The following SREK1IP1 variants were observed in gnomAD, a reference collection of about 807,000 sequenced individuals.
SREK1IP1 encodes SREK1 interacting protein 1.
Under a neutral mutation model 22.8 loss-of-function variants are expected in SREK1IP1, and 12 were observed. The observed-to-expected ratio is 0.53, with a 90% CI of 0.34 to 0.85. The LOEUF (loss-of-function observed/expected upper bound fraction) is 0.85, where lower values mean the gene tolerates loss of function less well. Ranked by LOEUF, SREK1IP1 falls within the 40% of genes least tolerant of loss-of-function variation. The pLI, the probability that SREK1IP1 is intolerant of heterozygous loss-of-function variation, is 0.02. For missense variants in SREK1IP1, 147 were observed against 171.8 expected, an observed-to-expected ratio of 0.86 and a Z score of 0.81; for synonymous variants, 53 against 52.7, an observed-to-expected ratio of 1.01 and a Z score of -0.02.
chr5:64,765,049 C>T (rs1743011810), intron 1 of SREK1IP1: 1 of 152,172 alleles, frequency 6.6e-6, no homozygotes, highest in South Asian at 2.1e-4. Context: ...ACATACGTTG[C>T]CACTTGTGCC....
intron 3 of SREK1IP1, among the ~76,000 whole-genome samples, chr5:64,729,369 C>T (rs1363848288): frequency 6.6e-6 from 1 of 152,124 alleles, no homozygotes; most frequent in Non-Finnish European, 1.5e-5. Context: ...AGTGCCAAAG[C>T]TCCAAGGCAA....
Position 64,724,594 on chromosome 5 carries a change from T to C in SREK1IP1, c.279-21A>G, listed in dbSNP as rs183401183. 7.8e-4 allele frequency: 1,143 copies of C among 1,474,634 alleles called. 8 individuals are homozygous for C. The African/African-American group carries it at 0.014, about 18-fold the overall frequency. 91.3% of individuals were successfully genotyped at this position (1,474,634 alleles called of 1,614,324 possible). On this transcript the variant is annotated intron_variant, in intron 4 of 4. Coordinates refer to ENST00000513458, the MANE Select transcript of SREK1IP1 (RefSeq NM_173829.4). ...AAGACCTATGGATAATAATACATAC[T>C]GACTGAGAATTGCATTTATGACTGA...
chr5:64,763,239 T>C (rs1211159235), intron 1 of SREK1IP1, among the ~76,000 whole-genome samples: 4 of 151,752 alleles, frequency 2.6e-5, no homozygotes, highest in Admixed American at 2.6e-4. Flanking sequence ...AGAAAAAAGG[T>C]GTAAGAAGAG....
chr5:64,768,638 TC>T lies in SREK1IP1; in HGVS notation c.-122del, dbSNP rs1360465579. ...TCCTTCCCCCAGCGCAGCAGCACCCTCGCTACGGTCGGGAAGGGCCTGTACG... is the reference window on the plus strand; with the variant it reads ...TCCTTCCCCCAGCGCAGCAGCACCCTGCTACGGTCGGGAAGGGCCTGTACG... On this transcript the variant is annotated 5_prime_UTR_variant, in exon 1 of 5. Transcript: ENST00000513458. 2.1e-6 allele frequency: 3 copies of T among 1,438,996 alleles called. No individual in the cohort carries two copies. The highest frequency in any genetic ancestry group is 2.9e-6 in the Non-Finnish European group (3 of 1,033,422). The allele number at this position is 1,438,996 out of a possible 1,614,324, so 89.1% of individuals were successfully genotyped here.
rs62372310 is a variant in SREK1IP1 at position 64,755,206 on chromosome 5, C to G, written c.14-844G>C. On this transcript the variant is annotated intron_variant, in intron 1 of 4. Coordinates refer to ENST00000513458, the MANE Select transcript of SREK1IP1 (RefSeq NM_173829.4). ...ATCATTCGACCCAGCAATTCCATTA[C>G]TGGGTATATATCCAAAAAAAAAAAA... Among the ~76,000 whole-genome samples the G allele has an allele frequency of 4.1e-5, 6 of 144,778 alleles. 1 individual carries two copies. The highest frequency in any genetic ancestry group is 3.6e-3 in the Middle Eastern group (1 of 280). The allele number at this position is 144,778 out of a possible 152,430, so 95.0% of individuals were successfully genotyped here.
intron 1 of SREK1IP1, among the ~76,000 whole-genome samples, chr5:64,756,934 A>G (rs1044372429): frequency 1.1e-4 from 17 of 152,240 alleles, no homozygotes; most frequent in Non-Finnish European, 2.9e-5. Flanking sequence ...TAAAGGGCAT[A>G]TAATTCCCAA....
intron 1 of SREK1IP1, among the ~76,000 whole-genome samples, chr5:64,765,482 A>C: frequency 6.6e-6 from 1 of 152,198 alleles, no homozygotes; most frequent in East Asian, 1.9e-4. Flanking sequence ...GATAACCTTG[A>C]AAAGTTTAGA....
intron 2 of SREK1IP1, among the ~76,000 whole-genome samples, chr5:64,741,531 A>T (rs1479429158): frequency 6.6e-6 from 1 of 152,164 alleles, no homozygotes; most frequent in East Asian, 1.9e-4. Flanking sequence ...AACTAAGTAA[A>T]TAAAAAATAC....
chr5:64,751,493 GA>G (rs1463405199), intron 2 of SREK1IP1, among the ~76,000 whole-genome samples: 10 of 152,076 alleles, frequency 6.6e-5, no homozygotes, highest in Non-Finnish European at 1.5e-4. Flanking sequence ...ACTGTAAAAG[GA>G]AAAAAATAAT....
intron 1 of SREK1IP1, among the ~76,000 whole-genome samples, chr5:64,755,816 C>G (rs1742828649): frequency 6.6e-6 from 1 of 151,698 alleles, no homozygotes; most frequent in Admixed American, 6.6e-5. Context: ...GCCTGTCCCT[C>G]AAATGTAAAA....
intron 3 of SREK1IP1, among the ~76,000 whole-genome samples, chr5:64,735,497 C>T (rs1742447393): frequency 6.6e-6 from 1 of 152,082 alleles, no homozygotes; most frequent in Admixed American, 6.5e-5. Context: ...AGCCATTGGG[C>T]ATGAAGTTTG....
intron 1 of SREK1IP1, among the ~76,000 whole-genome samples, chr5:64,767,716 C>T (rs576961310): frequency 1.3e-5 from 2 of 152,066 alleles, no homozygotes; most frequent in African/African-American, 4.8e-5. Context: ...TTTTCTATTA[C>T]TAAAGTGCGC....
chr5:64,747,548 G>A (rs948681113), intron 2 of SREK1IP1, among the ~76,000 whole-genome samples: 1 of 152,104 alleles, frequency 6.6e-6, no homozygotes, highest in Non-Finnish European at 1.5e-5. Flanking sequence ...GGGAAAATAC[G>A]AGTGTTGGCA....
At chr5:64,757,458 T>TA (rs1031316727) in intron 1 of SREK1IP1, among the ~76,000 whole-genome samples, 3 of 152,232 alleles carry the variant, frequency 2.0e-5, no homozygotes, top group African/African-American at 7.2e-5. Context: ...ATGCAAGTAT[T>TA]GTTCTAATGT....
chr5:64,744,687 T>C (rs997695552), intron 2 of SREK1IP1, among the ~76,000 whole-genome samples: 1 of 152,222 alleles, frequency 6.6e-6, no homozygotes, highest in Non-Finnish European at 1.5e-5. Context: ...TTTAGTTTTA[T>C]GTGTAGTTTT....
intron 4 of SREK1IP1, 175 bp downstream of exon 4, chr5:64,727,932 T>C (rs1742303174): frequency 1.8e-6 from 1 of 541,650 alleles, no homozygotes; most frequent in Non-Finnish European, 2.5e-6. Context: ...TTTTAGTCAA[T>C]TTCATGTATA....
chr5:64,729,628 A>G (rs1742342764), intron 3 of SREK1IP1, among the ~76,000 whole-genome samples: 1 of 152,154 alleles, frequency 6.6e-6, no homozygotes, highest in Admixed American at 6.5e-5. Flanking sequence ...AAGGTAAATG[A>G]ATTGGAAAGG....
chr5:64,725,441 A>G (rs1742245795), intron 4 of SREK1IP1, among the ~76,000 whole-genome samples: 1 of 152,152 alleles, frequency 6.6e-6, no homozygotes, highest in Admixed American at 6.5e-5. Flanking sequence ...TAGTTTAGTG[A>G]TCTAAATATT....
intron 1 of SREK1IP1, among the ~76,000 whole-genome samples, chr5:64,756,083 TTAG>T (rs1742836250): frequency 6.6e-6 from 1 of 152,168 alleles, no homozygotes; most frequent in South Asian, 2.1e-4. Context: ...TCCTGTATAA[TTAG>T]TAGTACATGC....
Sources: allele counts gnomAD v4.1 joint callset (sites outside exome capture counted in the v4.1 genomes callset), GRCh38; gene constraint gnomAD v4.1.1; transcripts MANE v1.5; gene names NCBI Gene and HGNC (gene_info 2026-07-23, HGNC 2026-07-21).